The following COL4A1 variants were observed in gnomAD, a reference collection of about 807,000 sequenced individuals.
The protein encoded by COL4A1 is collagen type IV alpha 1 chain.
A neutral mutation model predicts 216.6 loss-of-function variants in COL4A1; 40 were observed. The ratio of observed to expected loss-of-function variants is 0.18; its 90% CI spans 0.14 to 0.24. The LOEUF is 0.24. Ranked by LOEUF, COL4A1 falls within the 10% of genes least tolerant of loss-of-function variation. The pLI, the probability that COL4A1 is intolerant of heterozygous loss-of-function variation, is 1.00. For synonymous variants in COL4A1, 839 were observed against 810.7 expected (o/e 1.03, Z -0.59); for missense variants, 1,628 against 2,196.8 (o/e 0.74, Z 5.18).
At position 110,219,904 on chromosome 13, in the gene COL4A1, A is replaced by ATATATGTGTGTATATATATGTG. The variant is rs1566386118; in HGVS notation, c.145-5890_145-5889insCACATATATATACACACATATA. The stretch of plus-strand genomic sequence containing the variant: ...TATATATATGTGTGTATATATATGT[A>ATATATGTGTGTATATATATGTG]TATATATGTGTGTATATATATGTAT... On this transcript the variant is annotated intron_variant, in intron 2 of 51. Transcript: ENST00000375820. Among the ~76,000 whole-genome samples the ATATATGTGTGTATATATATGTG allele has an allele frequency of 3.3e-5, 4 of 122,390 alleles. No homozygotes were observed. The East Asian group carries it at 1.0e-3, about 31-fold the overall frequency. 80.3% of individuals were successfully genotyped at this position (122,390 alleles called of 152,430 possible). A position where few individuals can be genotyped will look rare whatever the true frequency, so the allele number is the denominator to read the frequency against.
chr13:110,201,345 G>GGAGGAGGAGGAGGAAGAGGAC (rs759024406), intron 19 of COL4A1, 93 bp downstream of exon 19: 1 of 804,304 alleles, frequency 1.2e-6, no homozygotes, highest in East Asian at 2.9e-5. Flanking sequence ...AGGAGGAACA[G>GGAGGAGGAGGAGGAAGAGGAC]GAGGAGGAGG....
At chr13:110,183,145 C>T (rs1878252076) in intron 27 of COL4A1, 39 bp downstream of exon 27, 2 of 1,612,936 alleles carry the variant, frequency 1.2e-6, no homozygotes, top group Non-Finnish European at 1.7e-6. Flanking sequence ...CGTGAGGAAA[C>T]TCTCGTGGTA....
intron 2 of COL4A1, among the ~76,000 whole-genome samples, chr13:110,221,150 A>T (rs1462616088): frequency 6.6e-6 from 1 of 152,208 alleles, no homozygotes; most frequent in East Asian, 1.9e-4. Context: ...GAATTTTAAC[A>T]TTCACTATGA....
chr13:110,254,699 T>G (rs1252809140), intron 1 of COL4A1, among the ~76,000 whole-genome samples: 1 of 152,190 alleles, frequency 6.6e-6, no homozygotes, highest in African/African-American at 2.4e-5. Context: ...TCCCCCAGAA[T>G]AGCGACATCA....
chr13:110,152,638 C>G, intron 50 of COL4A1, 132 bp from the exon 51 acceptor site: 1 of 1,115,920 alleles, frequency 9.0e-7, no homozygotes. Flanking sequence ...GTGGTCACCA[C>G]AGGACACACT....
intron 15 of COL4A1, among the ~76,000 whole-genome samples, chr13:110,206,434 C>T (rs1879518438): frequency 2.0e-5 from 3 of 152,192 alleles, no homozygotes. Flanking sequence ...TCTGAACAGC[C>T]GGCGGTGGCA....
At chr13:110,288,272 A>AT (rs1238875701) in intron 1 of COL4A1, among the ~76,000 whole-genome samples, 73 of 136,112 alleles carry the variant, frequency 5.4e-4, no homozygotes, top group Non-Finnish European at 8.8e-4. Flanking sequence ...CAAAAAAAAA[A>AT]AAAATAATAA....
chr13:110,299,411 G>A (rs1884406903), intron 1 of COL4A1, among the ~76,000 whole-genome samples: 2 of 152,234 alleles, frequency 1.3e-5, no homozygotes, highest in South Asian at 4.1e-4. Context: ...CCAGCCCCAA[G>A]GGGTCTTGAT....
intron 1 of COL4A1, among the ~76,000 whole-genome samples, chr13:110,247,866 G>C (rs1594086727): frequency 6.7e-6 from 1 of 149,088 alleles, no homozygotes; most frequent in African/African-American, 2.5e-5. Flanking sequence ...GGAGGGAGGG[G>C]AGAAGGGTGC....
At chr13:110,169,878 C>T in intron 42 of COL4A1, 116 bp from the exon 43 acceptor site, 1 of 1,367,138 alleles carries the variant, frequency 7.3e-7, no homozygotes. Context: ...ACTGGACCAA[C>T]AGTGACAACC....
chr13:110,225,373 C>A (rs1402446995), intron 2 of COL4A1, among the ~76,000 whole-genome samples: 3 of 152,228 alleles, frequency 2.0e-5, no homozygotes, highest in Admixed American at 2.0e-4. Flanking sequence ...CACCTGAGGT[C>A]AGGCGTTCAA....
At chr13:110,267,379 T>C (rs1469039274) in intron 1 of COL4A1, among the ~76,000 whole-genome samples, 1 of 152,148 alleles carries the variant, frequency 6.6e-6, no homozygotes, top group East Asian at 1.9e-4. Context: ...GAACGTGTTT[T>C]TTCTGTCTTG....
intron 1 of COL4A1, among the ~76,000 whole-genome samples, chr13:110,280,862 G>A (rs1883603390): frequency 6.6e-6 from 1 of 152,000 alleles, no homozygotes; most frequent in Non-Finnish European, 1.5e-5. Context: ...ATACATCCGA[G>A]ATCTGGCTGA....
chr13:110,219,974 A>ATGTGTG (rs1880394377), intron 2 of COL4A1, among the ~76,000 whole-genome samples: 1 of 143,170 alleles, frequency 7.0e-6, no homozygotes. Flanking sequence ...ATACATATAT[A>ATGTGTG]TATATATATA....
At chr13:110,159,072 G>A (rs1876939048) in intron 49 of COL4A1, among the ~76,000 whole-genome samples, 1 of 152,152 alleles carries the variant, frequency 6.6e-6, no homozygotes. Context: ...GAAGGAAAGA[G>A]GCAAAGAGAG....
At chr13:110,224,714 A>G (rs1880657551) in intron 2 of COL4A1, among the ~76,000 whole-genome samples, 1 of 152,256 alleles carries the variant, frequency 6.6e-6, no homozygotes, top group Non-Finnish European at 1.5e-5. Flanking sequence ...CTACATTAAC[A>G]GAAATGTTGA....
At chr13:110,184,045 C>G (rs1413913794) in intron 26 of COL4A1, among the ~76,000 whole-genome samples, 1 of 152,194 alleles carries the variant, frequency 6.6e-6, no homozygotes, top group African/African-American at 2.4e-5. Flanking sequence ...ACTGAACGAC[C>G]CTAGGAAATG....
At chr13:110,212,680 G>A in intron 4 of COL4A1, 62 bp from the exon 5 acceptor site, 6 of 1,578,870 alleles carry the variant, frequency 3.8e-6, no homozygotes, top group East Asian at 2.2e-5. Context: ...TCCTCCTCCT[G>A]CATCTCCCCG....
chr13:110,254,918 T>C (rs1882442820), intron 1 of COL4A1, among the ~76,000 whole-genome samples: 1 of 152,244 alleles, frequency 6.6e-6, no homozygotes, highest in Admixed American at 6.5e-5. Context: ...ACTTACTATG[T>C]GCTTGCCACT....
Sources: allele counts gnomAD v4.1 joint callset (sites outside exome capture counted in the v4.1 genomes callset), GRCh38; gene constraint gnomAD v4.1.1; transcripts MANE v1.5; gene names NCBI Gene and HGNC (gene_info 2026-07-23, HGNC 2026-07-21).